The following KIAA1217 variants were observed in gnomAD, a reference collection of about 807,000 sequenced individuals.
The protein encoded by KIAA1217 is sickle tail protein homolog.
A neutral mutation model predicts 163.9 loss-of-function variants in KIAA1217; 88 were observed. The observed-to-expected ratio is 0.54, with a 90% CI of 0.45 to 0.64. The LOEUF is 0.64. KIAA1217 is among the 30% of genes least tolerant of loss of function. KIAA1217 has a pLI of 0.00. For missense variants in KIAA1217, 2,372 were observed against 2,475.0 expected (o/e 0.96, Z 0.88); for synonymous variants, 903 against 923.1 (o/e 0.98, Z 0.39).
chr10:24,246,145 G>C (rs557912171), intron 2 of KIAA1217, among the ~76,000 whole-genome samples: 1 of 152,088 alleles, frequency 6.6e-6, no homozygotes, highest in South Asian at 2.1e-4. Context: ...AAGCAGCTCC[G>C]GTAAAGAGCC....
intron 5 of KIAA1217, among the ~76,000 whole-genome samples, chr10:24,448,242 T>C (rs2061114821): frequency 6.8e-6 from 1 of 147,376 alleles, no homozygotes; most frequent in South Asian, 2.4e-4. Context: ...AACCTTTTTT[T>C]GCGTGGGGGG....
At chr10:24,335,536 G>T (rs1180985641) in intron 2 of KIAA1217, among the ~76,000 whole-genome samples, 8 of 151,588 alleles carry the variant, frequency 5.3e-5, no homozygotes, top group Non-Finnish European at 1.2e-4. Context: ...CTGTGAATAT[G>T]CTAAAAACCA....
rs1430233083 is a variant in KIAA1217 at position 24,528,082 on chromosome 10, A to G, written c.3045A>G (p.Pro1015=). The G allele has an allele frequency of 1.2e-6, 2 of 1,614,152 alleles. No individual in the cohort carries two copies. The highest frequency in any genetic ancestry group is 2.2e-5 in the South Asian group (2 of 91,078). Residue 1015 remains proline, a synonymous_variant, in exon 14 of 21, where the codon CCA becomes CCG. Coordinates refer to ENST00000376454, the MANE Select transcript of KIAA1217 (RefSeq NM_019590.5). Reference sequence around the variant, plus strand: ...TGCCGCCAGCCACAGGCCCACTGCCAAGGGGAGATGCCCCAGTGGACAAGG... The same window carrying G: ...TGCCGCCAGCCACAGGCCCACTGCCGAGGGGAGATGCCCCAGTGGACAAGG... ...LEMPPATGPL[P]RGDAPVDKVE...
chr10:24,405,532 A>G (rs1254382517), intron 3 of KIAA1217, among the ~76,000 whole-genome samples: 1 of 152,176 alleles, frequency 6.6e-6, no homozygotes, highest in African/African-American at 2.4e-5. Flanking sequence ...AAGCATCCTA[A>G]AAGTCCTCCT....
At chr10:24,425,429 G>A (rs1303702441) in intron 3 of KIAA1217, among the ~76,000 whole-genome samples, 1 of 152,152 alleles carries the variant, frequency 6.6e-6, no homozygotes, top group Admixed American at 6.5e-5. Flanking sequence ...ACTCAAAATT[G>A]TGTAAGCTTC....
At chr10:24,195,332 C>T (rs1165170352) in intron 2 of KIAA1217, among the ~76,000 whole-genome samples, 7 of 152,162 alleles carry the variant, frequency 4.6e-5, no homozygotes, top group African/African-American at 1.7e-4. Flanking sequence ...ACCGAGAAAA[C>T]CATTAGGAGA....
At chr10:23,939,890 C>G (rs1299902130) in intron 1 of KIAA1217, among the ~76,000 whole-genome samples, 1 of 150,100 alleles carries the variant, frequency 6.7e-6, no homozygotes, top group Non-Finnish European at 1.5e-5. Context: ...TAAATATAAA[C>G]TATTTATTAA....
Position 24,118,754 on chromosome 10 carries a change from C to A in KIAA1217, c.-170-100872C>A, listed in dbSNP as rs192525892. 2.0e-5 allele frequency among the ~76,000 whole-genome samples: 3 copies of A among 151,242 alleles called. No individual in the cohort carries two copies. The East Asian group carries it at 5.8e-4, about 29-fold the overall frequency. On this transcript the variant is annotated intron_variant, in intron 2 of 18. Transcript: ENST00000376462. ...TTGTTTTTTACTATTTCTAGTAAAG[C>A]ATGGACATTTGAAGAAATAAATATA...
chr10:24,008,801 A>G (rs1236303956), intron 2 of KIAA1217, among the ~76,000 whole-genome samples: 1 of 152,156 alleles, frequency 6.6e-6, no homozygotes, highest in East Asian at 1.9e-4. Flanking sequence ...CTACCGCCCC[A>G]TTAGATGCTG....
At chr10:24,364,032 G>A (rs2050399328) in intron 2 of KIAA1217, among the ~76,000 whole-genome samples, 4 of 150,586 alleles carry the variant, frequency 2.7e-5, no homozygotes, top group Non-Finnish European at 5.9e-5. Context: ...AGGCTAGGGT[G>A]CAATGGCGCA....
chr10:23,984,765 G>A (rs1845903633), intron 1 of KIAA1217, among the ~76,000 whole-genome samples: 1 of 151,058 alleles, frequency 6.6e-6, no homozygotes, highest in African/African-American at 2.4e-5. Flanking sequence ...CCTGTCAGGG[G>A]TTGGGGGCAA....
At chr10:24,415,759 C>T (rs2131418816) in intron 3 of KIAA1217, among the ~76,000 whole-genome samples, 1 of 152,314 alleles carries the variant, frequency 6.6e-6, no homozygotes, top group South Asian at 2.1e-4. Flanking sequence ...TCTCTGGACC[C>T]TCAAAAGCAG....
intron 1 of KIAA1217, among the ~76,000 whole-genome samples, chr10:23,816,261 C>T (rs1837307856): frequency 6.6e-6 from 1 of 152,038 alleles, no homozygotes; most frequent in African/African-American, 2.4e-5. Context: ...AGTAGTTTCC[C>T]ATGCTCACAT....
chr10:23,993,573 T>TTTTTTTTTTTTTTTTTTTA (rs1185080887), intron 1 of KIAA1217, among the ~76,000 whole-genome samples: 1 of 142,204 alleles, frequency 7.0e-6, no homozygotes. Context: ...TTTTTTTTTT[T>TTTTTTTTTTTTTTTTTTTA]GAGACAGAGT....
chr10:24,457,032 T>C (rs779523167), intron 5 of KIAA1217, among the ~76,000 whole-genome samples: 1 of 150,950 alleles, frequency 6.6e-6, no homozygotes, highest in Non-Finnish European at 1.5e-5. Context: ...AAAAAAAAAA[T>C]TGGAAACTAA....
At chr10:23,923,277 T>G (rs1158113134) in intron 1 of KIAA1217, among the ~76,000 whole-genome samples, 1 of 152,226 alleles carries the variant, frequency 6.6e-6, no homozygotes, top group Non-Finnish European at 1.5e-5. Context: ...TCCATATTTT[T>G]GCAATTGCAA....
intron 1 of KIAA1217, among the ~76,000 whole-genome samples, chr10:23,883,678 T>C (rs779056759): frequency 3.9e-5 from 6 of 151,952 alleles, no homozygotes; most frequent in Non-Finnish European, 7.4e-5. Context: ...TTGTTTCACA[T>C]TCTCTGGATT....
chr10:24,255,086 C>A (rs2075001804), intron 2 of KIAA1217, among the ~76,000 whole-genome samples: 1 of 152,122 alleles, frequency 6.6e-6, no homozygotes, highest in African/African-American at 2.4e-5. Context: ...AACTCCTGAC[C>A]TCAAGCCATC....
chr10:24,351,381 G>C (rs375333311), intron 2 of KIAA1217, among the ~76,000 whole-genome samples: 1 of 152,024 alleles, frequency 6.6e-6, no homozygotes, highest in Non-Finnish European at 1.5e-5. Context: ...AGAGATCCTG[G>C]CAGTCATTAT....
Sources: allele counts gnomAD v4.1 joint callset (sites outside exome capture counted in the v4.1 genomes callset), GRCh38; gene constraint gnomAD v4.1.1; transcripts MANE v1.5; gene names NCBI Gene and HGNC (gene_info 2026-07-23, HGNC 2026-07-21).